The following BTBD8 variants were observed in gnomAD, a reference collection of about 807,000 sequenced individuals.
BTBD8 encodes the protein BTB/POZ domain-containing protein 8.
BTBD8 carries 110 observed loss-of-function variants against 162.9 expected under a neutral mutation model. That is an observed-to-expected ratio of 0.68 (90% CI 0.58 to 0.79). The LOEUF (loss-of-function observed/expected upper bound fraction) is 0.79. Among genes scored for constraint, BTBD8 ranks in the 30% least tolerant of loss-of-function variants. The pLI is 0.00. For synonymous variants in BTBD8, 667 were observed against 716.1 expected, an observed-to-expected ratio of 0.93 and a Z score of 1.10; for missense variants, 1,905 against 2,085.4, an observed-to-expected ratio of 0.91 and a Z score of 1.68.
chr1:92,163,354 C>CAAAAA (rs34760395), intron 9 of BTBD8, among the ~76,000 whole-genome samples: 1 of 20,408 alleles, frequency 4.9e-5, no homozygotes, highest in Non-Finnish European at 8.4e-5. Context: ...GATTCTGTCT[C>CAAAAA]AAAAAAAAAA....
intron 4 of BTBD8, chr1:92,126,115 A>C (rs1348868023): frequency 2.0e-6 from 1 of 489,316 alleles, no homozygotes; most frequent in Non-Finnish European, 4.1e-6. Flanking sequence ...AAGTGAAAGC[A>C]TCTTACGGTA....
intron 7 of BTBD8, among the ~76,000 whole-genome samples, chr1:92,146,278 T>C (rs1408422727): frequency 1.3e-5 from 2 of 151,944 alleles, no homozygotes; most frequent in African/African-American, 4.8e-5. Flanking sequence ...TTTAAAAGAA[T>C]AACAGACTTT....
chr1:92,109,034 C>T (rs764848145), intron 4 of BTBD8, among the ~76,000 whole-genome samples: 2 of 152,168 alleles, frequency 1.3e-5, no homozygotes, highest in African/African-American at 2.4e-5. Context: ...GATTGCTAGT[C>T]TGAACTAGCT....
At chr1:92,171,851 G>T (rs1018094937) in intron 13 of BTBD8, among the ~76,000 whole-genome samples, 19 of 152,202 alleles carry the variant, frequency 1.2e-4, no homozygotes, top group African/African-American at 4.1e-4. Context: ...AGCACTTTGG[G>T]AGGCCGAGGC....
chr1:92,120,842 T>C (rs1436554435), intron 4 of BTBD8, among the ~76,000 whole-genome samples: 2 of 152,170 alleles, frequency 1.3e-5, no homozygotes, highest in East Asian at 3.9e-4. Flanking sequence ...AGCTCACTCC[T>C]ACCTGCACCT....
Position 92,176,908 on chromosome 1 carries a change from ATC to A in BTBD8, c.1721_1722del (p.Ser574TyrfsTer2). On this transcript the variant is annotated frameshift_variant, in exon 14 of 18. Coordinates refer to ENST00000636805, the MANE Select transcript of BTBD8 (RefSeq NM_001376131.1). LOFTEE classifies it high-confidence loss of function. The stretch of plus-strand genomic sequence containing the variant: ...AATAACAAGAAAGAGTGTTGGAGTT[ATC>A]TCTCTACTAATAAAAAGATGAAATC... 6.5e-7 allele frequency: 1 copy of A among 1,533,896 alleles called. No homozygotes were observed. The highest frequency in any genetic ancestry group is 1.2e-5 in the South Asian group (1 of 80,672).
intron 9 of BTBD8, among the ~76,000 whole-genome samples, chr1:92,161,810 C>T (rs891313023): frequency 6.6e-6 from 1 of 152,000 alleles, no homozygotes; most frequent in African/African-American, 2.4e-5. Flanking sequence ...TATCTGTGAC[C>T]CAGAATAAAA....
intron 5 of BTBD8, among the ~76,000 whole-genome samples, chr1:92,136,515 G>T (rs767904521): frequency 6.6e-6 from 1 of 152,090 alleles, no homozygotes; most frequent in East Asian, 1.9e-4. Flanking sequence ...CCAGTATTAC[G>T]TGGGGAAAGG....
At chr1:92,088,645 A>G in intron 1 of BTBD8, 53 bp from the exon 2 acceptor site, 1 of 1,364,208 alleles carries the variant, frequency 7.3e-7, no homozygotes, top group Non-Finnish European at 9.9e-7. Context: ...AAAAATATGT[A>G]TACGTTTTTT....
intron 4 of BTBD8, among the ~76,000 whole-genome samples, 156 bp downstream of exon 4, chr1:92,108,157 G>A (rs1557442490): frequency 6.6e-6 from 1 of 152,196 alleles, no homozygotes; most frequent in Non-Finnish European, 1.5e-5. Flanking sequence ...ATTCCTCAGG[G>A]GGAGTCCAAC....
In BTBD8 at chr1:92,184,219, A is replaced by G. The variant is rs1422641035; in HGVS notation, c.5268A>G (p.Glu1756=). 1 of 1,551,510 alleles carries G rather than the reference A, an allele frequency of 6.4e-7. No homozygotes were observed. The highest frequency in any genetic ancestry group is 8.7e-7 in the Non-Finnish European group (1 of 1,146,736). The change falls in exon 18 of 18, where the codon GAA becomes GAG. Residue 1756 remains glutamate (E), a synonymous_variant. Transcript: ENST00000636805. ...TTGACACTTTGAACAGATGGAGTGA[A>G]CTAACATCTCCACTTGATTCCTCAG... ...THIDTLNRWS[E]LTSPLDSSAS... is the part of the protein sequence containing the mutation.
intron 2 of BTBD8, among the ~76,000 whole-genome samples, chr1:92,099,644 G>A (rs971764774): frequency 3.3e-5 from 5 of 152,006 alleles, no homozygotes; most frequent in African/African-American, 9.7e-5. Context: ...TTTAGAATAC[G>A]ATTGTAAATG....
rs751084392 is a variant in BTBD8 at position 92,177,493 on chromosome 1, C to G, written c.2300C>G (p.Ser767Cys). The G allele has an allele frequency of 6.4e-6, 10 of 1,550,854 alleles. No homozygotes were observed. Among genetic ancestry groups the G allele is most frequent in the East Asian group, 4.9e-5 (2 of 40,928 alleles). Residue 767 changes from serine (S) to cysteine (C), a missense_variant, in exon 14 of 18, where the codon TCT becomes TGT. This residue lies in a region of BTBD8 where 1,374 missense variants were observed against 1,442.7 expected (regional missense o/e 0.95). Coordinates refer to ENST00000636805, the MANE Select transcript of BTBD8 (RefSeq NM_001376131.1). Reference sequence around the variant, plus strand: ...GGACATAAACTATCCTTTTGTGATTCTCCAGGACAGATGATGAAAAACAGT... The same window carrying G: ...GGACATAAACTATCCTTTTGTGATTGTCCAGGACAGATGATGAAAAACAGT... ...PSGHKLSFCD[S>C]PGQMMKNSVD...
In BTBD8 at chr1:92,178,301, AT is replaced by A. The variant is rs1429177211; in HGVS notation, c.2442-3del. The A allele has an allele frequency of 4.0e-5, 61 of 1,539,882 alleles. No homozygotes were observed. Among genetic ancestry groups the A allele is most frequent in the Middle Eastern group, 1.7e-4 (1 of 5,968 alleles). ...CTAAGTGTAATACTGAATGCAAATA[AT>A]TTTTTTTAGTGTACTAAAGAAAGTC... On this transcript the variant is annotated splice_polypyrimidine_tract_variant and intron_variant, in intron 15 of 17. Coordinates refer to ENST00000636805, the MANE Select transcript of BTBD8 (RefSeq NM_001376131.1).
chr1:92,139,255 A>T (rs1649709077), intron 5 of BTBD8, 95 bp from the exon 6 acceptor site: 1 of 1,316,532 alleles, frequency 7.6e-7, no homozygotes, highest in African/African-American at 1.5e-5. Context: ...GAAGATTAGA[A>T]CATCATCTTG....
intron 5 of BTBD8, among the ~76,000 whole-genome samples, chr1:92,133,997 T>C (rs192127149): frequency 1.3e-5 from 2 of 151,598 alleles, no homozygotes; most frequent in Non-Finnish European, 2.9e-5. Flanking sequence ...TCTATGATCC[T>C]AGTTCCATCC....
chr1:92,168,620 A>C (rs1368338871), intron 11 of BTBD8, among the ~76,000 whole-genome samples: 2 of 152,336 alleles, frequency 1.3e-5, no homozygotes, highest in Non-Finnish European at 2.9e-5. Flanking sequence ...GAAGGTGTTC[A>C]TATCAAGGGC....
At chr1:92,157,973 A>G (rs1650198674) in intron 9 of BTBD8, among the ~76,000 whole-genome samples, 1 of 152,168 alleles carries the variant, frequency 6.6e-6, no homozygotes, top group Non-Finnish European at 1.5e-5. Context: ...TTCCTGGCAT[A>G]TTCTTTTATC....
At position 92,081,578 on chromosome 1, in the gene BTBD8, C is replaced by CT. The variant is rs200353236; in HGVS notation, c.149+870dup. ...TAATTAAAAGTTGTGCAGCATTCTACTTTTTTTTTTTTGGAGACGGAGTCT... is the reference window on the plus strand; with the variant it reads ...TAATTAAAAGTTGTGCAGCATTCTACTTTTTTTTTTTTTGGAGACGGAGTCT... On this transcript the variant is annotated intron_variant, in intron 1 of 17. Coordinates refer to ENST00000636805, the MANE Select transcript of BTBD8 (RefSeq NM_001376131.1). Among the ~76,000 whole-genome samples the CT allele has an allele frequency of 8.1e-3, 1,183 of 146,922 alleles. 20 individuals are homozygous for CT. Among genetic ancestry groups the CT allele is most frequent in the Admixed American group, 0.032 (473 of 14,732 alleles).
Sources: gnomAD v4.1 joint callset for allele counts (sites outside exome capture counted in the v4.1 genomes callset) on GRCh38, gnomAD v4.1.1 for gene constraint, gnomAD v4.1.1 regional missense constraint, MANE v1.5 for transcripts, NCBI Gene and HGNC (gene_info 2026-07-23, HGNC 2026-07-21) for gene names.